Variants in ZNF536 observed in about 807,000 individuals in gnomAD.
ZNF536 encodes the protein zinc finger protein 536.
In ZNF536, 13 loss-of-function variants were observed where a neutral mutation model predicts 84.5. That is an observed-to-expected ratio of 0.15 (90% CI 0.10 to 0.24). ZNF536 has a LOEUF of 0.24. Among genes scored for constraint, ZNF536 ranks in the 10% least tolerant of loss-of-function variants. The pLI is 1.00. For synonymous variants in ZNF536, 811 were observed against 742.5 expected, an observed-to-expected ratio of 1.09 and a Z score of -1.50; for missense variants, 1,536 against 1,747.5, an observed-to-expected ratio of 0.88 and a Z score of 2.16.
At chr19:30,341,705 T>C (rs1184408869) in intron 2 of ZNF536, among the ~76,000 whole-genome samples, 6 of 152,068 alleles carry the variant, frequency 3.9e-5, no homozygotes, top group Non-Finnish European at 7.4e-5. Context: ...GATTTGGAAC[T>C]CTTTTTTTTT....
intron 1 of ZNF536, among the ~76,000 whole-genome samples, chr19:30,692,778 A>G (rs1157271897): frequency 6.6e-6 from 1 of 152,170 alleles, no homozygotes; most frequent in African/African-American, 2.4e-5. Context: ...GCACACTAGG[A>G]AGAGGCAGAG....
chr19:30,517,431 G>C (rs943132344), intron 2 of ZNF536, among the ~76,000 whole-genome samples: 3 of 152,100 alleles, frequency 2.0e-5, no homozygotes, highest in Admixed American at 6.5e-5. Flanking sequence ...GAAGGGGCCC[G>C]GTGGGGAGGA....
intron 2 of ZNF536, among the ~76,000 whole-genome samples, chr19:30,530,964 C>T (rs1040540628): frequency 1.3e-5 from 2 of 152,186 alleles, no homozygotes; most frequent in Non-Finnish European, 2.9e-5. Flanking sequence ...CAGTGCCCTG[C>T]GGGTGTCCTG....
rs143682707 is a variant in ZNF536 at position 30,428,735 on chromosome 19, A to G, written c.-2-14826A>G. Reference sequence around the variant, plus strand: ...GATAGTACAGAGTGTCCAACATCAGATGGATGGTGCACTGAGGGTCCTGGA... The same window carrying G: ...GATAGTACAGAGTGTCCAACATCAGGTGGATGGTGCACTGAGGGTCCTGGA... On this transcript the variant is annotated intron_variant, in intron 1 of 4. Transcript: ENST00000355537. Among the ~76,000 whole-genome samples, 607 of 152,246 alleles carry G rather than the reference A, an allele frequency of 4.0e-3. 5 individuals carry two copies. The highest frequency in any genetic ancestry group is 0.014 in the African/African-American group (587 of 41,540).
rs117478090 is a variant in ZNF536, at chr19:30,651,742, C to A, written c.170-59015C>A. On this transcript the variant is annotated intron_variant, in intron 1 of 1. Transcript: ENST00000592773. ...TATCGTATGAGCCTGCTAAGTACAG[C>A]ATTTTAAACCCACACTGTGTTGAAA... Among the ~76,000 whole-genome samples the A allele has an allele frequency of 1.9e-3, 289 of 152,246 alleles. 4 individuals are homozygous for A. The East Asian group carries it at 0.048, about 25-fold the overall frequency.
At chr19:30,417,872 A>T (rs903783524) in intron 1 of ZNF536, among the ~76,000 whole-genome samples, 8 of 151,960 alleles carry the variant, frequency 5.3e-5, no homozygotes, top group African/African-American at 1.9e-4. Flanking sequence ...TGATCCTCCC[A>T]CCTCAGCCTC....
At chr19:30,477,861 A>G (rs1599513350) in intron 2 of ZNF536, among the ~76,000 whole-genome samples, 2 of 152,222 alleles carry the variant, frequency 1.3e-5, no homozygotes, top group Admixed American at 1.3e-4. Flanking sequence ...CTCTATTGTT[A>G]TAAGTGACCT....
chr19:30,667,801 G>A (rs900356013), intron 1 of ZNF536, among the ~76,000 whole-genome samples: 1 of 152,038 alleles, frequency 6.6e-6, no homozygotes. Context: ...TAGCAGAGCA[G>A]TAGTGTTAGT....
chr19:30,377,474 A>T (rs1405317190), intron 1 of ZNF536, among the ~76,000 whole-genome samples: 1 of 152,174 alleles, frequency 6.6e-6, no homozygotes, highest in Non-Finnish European at 1.5e-5. Flanking sequence ...CGCAGTTCAA[A>T]GCAAAAGCAA....
Position 30,302,908 on chromosome 19 carries a change from C to T in ZNF536, c.-120+18767C>T, listed in dbSNP as rs113818590. The stretch of plus-strand genomic sequence containing the variant: ...CCCTTTCAGACTGGTGGTGGCCTTA[C>T]GTCCTTCATCCCTTTTTACCCCCTG... On this transcript the variant is annotated intron_variant, in intron 2 of 5. Transcript: ENST00000585628. Among the ~76,000 whole-genome samples, 883 of 152,224 alleles carry T rather than the reference C, an allele frequency of 5.8e-3. 3 individuals are homozygous for T. Among genetic ancestry groups the T allele is most frequent in the South Asian group, 0.038 (184 of 4,820 alleles).
At chr19:30,456,957 G>T (rs1406625561) in intron 2 of ZNF536, among the ~76,000 whole-genome samples, 2 of 150,716 alleles carry the variant, frequency 1.3e-5, no homozygotes, top group Non-Finnish European at 2.9e-5. Flanking sequence ...CAGGAGAATT[G>T]CTTGAATCCA....
chr19:30,375,196 C>G (rs2048765090), intron 1 of ZNF536, among the ~76,000 whole-genome samples: 1 of 149,180 alleles, frequency 6.7e-6, no homozygotes, highest in Non-Finnish European at 1.5e-5. Context: ...CGTTCGTTGG[C>G]GCGGCGCCCG....
chr19:30,556,916 G>C (rs2045985740), intron 4 of ZNF536: 2 of 448,982 alleles, frequency 4.5e-6, no homozygotes, highest in Middle Eastern at 5.6e-4. Context: ...CAAATAAGCA[G>C]TAATTATCTC....
intron 2 of ZNF536, among the ~76,000 whole-genome samples, chr19:30,350,730 T>C (rs1434809691): frequency 6.6e-6 from 1 of 152,226 alleles, no homozygotes; most frequent in Non-Finnish European, 1.5e-5. Context: ...ATTTTTATGC[T>C]AATCCACAGT....
At chr19:30,273,199 G>A (rs979332199) in intron 1 of ZNF536, among the ~76,000 whole-genome samples, 2 of 147,980 alleles carry the variant, frequency 1.4e-5, no homozygotes, top group African/African-American at 5.0e-5. Flanking sequence ...ACTGCACCTG[G>A]CCATGCAGAT....
intron 1 of ZNF536, among the ~76,000 whole-genome samples, chr19:30,604,774 A>G (rs765160084): frequency 3.9e-5 from 6 of 152,218 alleles, no homozygotes; most frequent in Admixed American, 6.5e-5. Flanking sequence ...TTTCACATGA[A>G]GAACGGACAT....
intron 1 of ZNF536, among the ~76,000 whole-genome samples, chr19:30,231,979 A>G (rs561914505): frequency 6.6e-6 from 1 of 152,320 alleles, no homozygotes; most frequent in South Asian, 2.1e-4. Flanking sequence ...AAATGAAGAA[A>G]TCAGGAAATA....
intron 2 of ZNF536, among the ~76,000 whole-genome samples, chr19:30,518,294 A>T (rs2044174932): frequency 6.6e-6 from 1 of 152,222 alleles, no homozygotes; most frequent in Non-Finnish European, 1.5e-5. Context: ...CTTACAGGGT[A>T]TTAAAGGAAT....
intron 1 of ZNF536, among the ~76,000 whole-genome samples, chr19:30,233,500 C>T (rs1253852587): frequency 6.6e-6 from 1 of 151,922 alleles, no homozygotes; most frequent in South Asian, 2.1e-4. Context: ...TACCACCACA[C>T]CTAGGTAGTT....
Sources: gnomAD v4.1 joint callset for allele counts (sites outside exome capture counted in the v4.1 genomes callset) on GRCh38, gnomAD v4.1.1 for gene constraint, MANE v1.5 for transcripts, NCBI Gene and HGNC (gene_info 2026-07-23, HGNC 2026-07-21) for gene names.